Variants in CDH18 observed in about 807,000 individuals in gnomAD.
CDH18 encodes cadherin-18.
Under a neutral mutation model 67.9 loss-of-function variants are expected in CDH18, and 31 were observed. The observed-to-expected ratio is 0.46, with a 90% CI of 0.34 to 0.62. The LOEUF (loss-of-function observed/expected upper bound fraction) is 0.62, where lower values mean the gene tolerates loss of function less well. Among genes scored for constraint, CDH18 ranks in the 20% least tolerant of loss-of-function variants. The pLI, the probability that CDH18 is intolerant of heterozygous loss-of-function variation, is 0.01. For synonymous variants in CDH18, 362 were observed against 347.2 expected, an observed-to-expected ratio of 1.04 and a Z score of -0.48; for missense variants, 890 against 975.5, an observed-to-expected ratio of 0.91 and a Z score of 1.17.
chr5:19,970,856 C>G (rs973383789), intron 2 of CDH18, among the ~76,000 whole-genome samples: 5 of 151,008 alleles, frequency 3.3e-5, no homozygotes, highest in Admixed American at 2.0e-4. Flanking sequence ...TTAGTGAAAA[C>G]TAACTTGTTG....
intron 2 of CDH18, among the ~76,000 whole-genome samples, chr5:19,901,359 T>C (rs925326789): frequency 2.6e-5 from 4 of 152,140 alleles, no homozygotes; most frequent in African/African-American, 7.2e-5. Flanking sequence ...TTTTGTTGCA[T>C]GACTAGTTTT....
intron 2 of CDH18, among the ~76,000 whole-genome samples, chr5:20,166,190 C>T (rs1231578696): frequency 1.3e-5 from 2 of 151,854 alleles, no homozygotes; most frequent in African/African-American, 4.8e-5. Context: ...CCTGTAATCC[C>T]AGCACTTTGT....
intron 2 of CDH18, among the ~76,000 whole-genome samples, chr5:19,884,910 A>C (rs1161195740): frequency 6.6e-6 from 1 of 152,154 alleles, no homozygotes; most frequent in Non-Finnish European, 1.5e-5. Flanking sequence ...GAACAAAAGC[A>C]AACTAGGGAC....
At position 20,166,869 on chromosome 5, in the gene CDH18, C is replaced by T. The variant is rs115437845; in HGVS notation, c.-518+88575G>A. 4.1e-3 allele frequency among the ~76,000 whole-genome samples: 626 copies of T among 152,158 alleles called. 6 individuals carry two copies. The highest frequency in any genetic ancestry group is 0.014 in the African/African-American group (588 of 41,522). The stretch of plus-strand genomic sequence containing the variant: ...AATGAATGTGCTTTATGAGCTGTGG[C>T]CAATGAATGCCCTTCTAGGGGACAC... On this transcript the variant is annotated intron_variant, in intron 2 of 14. Coordinates refer to the CDH18 transcript ENST00000507958.
intron 5 of CDH18, among the ~76,000 whole-genome samples, chr5:19,617,925 C>T (rs1056421653): frequency 2.6e-5 from 4 of 152,142 alleles, no homozygotes; most frequent in African/African-American, 7.2e-5. Context: ...GTTTATGCCT[C>T]CTGACTAATA....
At chr5:20,333,119 T>C (rs1739336881) in intron 1 of CDH18, among the ~76,000 whole-genome samples, 1 of 152,076 alleles carries the variant, frequency 6.6e-6, no homozygotes, top group Non-Finnish European at 1.5e-5. Context: ...CTCTATATAA[T>C]AGATATGAGA....
chr5:19,775,030 G>A (rs769377759), intron 3 of CDH18, among the ~76,000 whole-genome samples: 1 of 151,892 alleles, frequency 6.6e-6, no homozygotes, highest in African/African-American at 2.4e-5. Context: ...TTTGTTATAA[G>A]AGCCCAAATT....
intron 1 of CDH18, among the ~76,000 whole-genome samples, chr5:20,526,422 A>T (rs10941836): frequency 5.3e-5 from 8 of 152,040 alleles, no homozygotes. Context: ...GCCAGACTCC[A>T]TCCATAAGGG....
rs1001593181 is a variant in CDH18, at chr5:19,483,531, G to T, written c.1652C>A (p.Thr551Lys). ...AGTTCGACTAAATCTCCTCCGCCTT[G>T]TCAGAATGCTGGCTGTGTTATCTAT... ...DNEDNTASIL[T>K]RRRRFSRTVQ... The change falls in exon 12 of 13, where the codon ACA (threonine) becomes AAA (lysine). Residue 551 changes from threonine (T) to lysine (K), a missense_variant. Around this residue, in one of 2 missense-constraint regions of CDH18, gnomAD observed 656 missense variants for 668.1 expected, o/e 0.98. Coordinates refer to ENST00000382275, the MANE Select transcript of CDH18 (RefSeq NM_004934.5). 1.2e-5 allele frequency: 20 copies of T among 1,612,250 alleles called. No individual in the cohort carries two copies. Among genetic ancestry groups the T allele is most frequent in the Non-Finnish European group, 1.4e-5 (17 of 1,179,006 alleles).
intron 2 of CDH18, among the ~76,000 whole-genome samples, chr5:20,172,214 A>ATATATACGTATATATATATACG (rs1561848553): frequency 3.0e-5 from 1 of 32,848 alleles, no homozygotes; most frequent in African/African-American, 1.2e-4. Context: ...ATATATATAT[A>ATATATACGTATATATATATACG]TATATATATG....
intron 1 of CDH18, among the ~76,000 whole-genome samples, chr5:20,475,390 A>G (rs1752367044): frequency 1.3e-5 from 2 of 152,184 alleles, no homozygotes; most frequent in African/African-American, 4.8e-5. Context: ...TAGCCTTCTT[A>G]GATTAAGTGT....
chr5:19,902,176 C>T (rs1159036254), intron 2 of CDH18, among the ~76,000 whole-genome samples: 1 of 152,106 alleles, frequency 6.6e-6, no homozygotes, highest in Non-Finnish European at 1.5e-5. Flanking sequence ...CAGTCTGTAA[C>T]GGTAGCATGG....
chr5:20,564,284 A>ATTTATTTATTTC (rs1298550677), intron 1 of CDH18, among the ~76,000 whole-genome samples: 2 of 150,428 alleles, frequency 1.3e-5, no homozygotes, highest in Non-Finnish European at 3.0e-5. Flanking sequence ...TTATTTATTT[A>ATTTATTTATTTC]TTTATTTATT....
chr5:19,641,401 T>C (rs1753973928), intron 5 of CDH18, among the ~76,000 whole-genome samples: 1 of 151,994 alleles, frequency 6.6e-6, no homozygotes, highest in African/African-American at 2.4e-5. Flanking sequence ...ATGAAAATGA[T>C]TGGTCAATAT....
At chr5:20,389,942 A>G (rs1374810250) in intron 1 of CDH18, among the ~76,000 whole-genome samples, 1 of 152,210 alleles carries the variant, frequency 6.6e-6, no homozygotes, top group Non-Finnish European at 1.5e-5. Context: ...CATAGGTAGA[A>G]AGCTGAAACT....
At chr5:19,579,479 C>CA (rs1334483355) in intron 7 of CDH18, among the ~76,000 whole-genome samples, 23 of 151,110 alleles carry the variant, frequency 1.5e-4, no homozygotes, top group South Asian at 2.1e-4. Flanking sequence ...TTCTAGTGAC[C>CA]ACCTCCATTC....
intron 3 of CDH18, among the ~76,000 whole-genome samples, chr5:19,780,156 A>C (rs1024379013): frequency 6.6e-6 from 1 of 152,222 alleles, no homozygotes; most frequent in East Asian, 1.9e-4. Context: ...CATAACTTCA[A>C]CTGAAGTCAT....
At chr5:20,310,128 T>G (rs1736858595) in intron 1 of CDH18, among the ~76,000 whole-genome samples, 2 of 152,164 alleles carry the variant, frequency 1.3e-5, no homozygotes, top group Non-Finnish European at 2.9e-5. Flanking sequence ...TCTGTTTCAA[T>G]AAATTCAATA....
intron 2 of CDH18, among the ~76,000 whole-genome samples, chr5:20,003,756 G>A (rs190062908): frequency 3.3e-5 from 5 of 152,160 alleles, no homozygotes; most frequent in Admixed American, 3.3e-4. Context: ...AAATTAGCCG[G>A]GCGTGGTGGC....
Sources: gnomAD v4.1 joint callset for allele counts (sites outside exome capture counted in the v4.1 genomes callset) on GRCh38, gnomAD v4.1.1 for gene constraint, gnomAD v4.1.1 regional missense constraint, MANE v1.5 for transcripts, NCBI Gene and HGNC (gene_info 2026-07-23, HGNC 2026-07-21) for gene names.